HACE1: variants seen among roughly 807,000 people sequenced by gnomAD.
HACE1 encodes the protein E3 ubiquitin-protein ligase HACE1.
HACE1 carries 73 observed loss-of-function variants against 118.4 expected under a neutral mutation model. The observed-to-expected ratio is 0.62, with a 90% CI of 0.51 to 0.75. The LOEUF (loss-of-function observed/expected upper bound fraction) is 0.75. Among genes scored for constraint, HACE1 ranks in the 30% least tolerant of loss-of-function variants. The pLI, the probability that HACE1 is intolerant of heterozygous loss-of-function variation, is 0.00. For synonymous variants in HACE1, 368 were observed against 374.8 expected (o/e 0.98, Z 0.21); for missense variants, 749 against 1,102.2 (o/e 0.68, Z 4.54).
intron 5 of HACE1, among the ~76,000 whole-genome samples, chr6:104,842,939 C>A (rs1227401184): frequency 1.3e-5 from 2 of 152,134 alleles, no homozygotes; most frequent in Non-Finnish European, 2.9e-5. Flanking sequence ...TGGTGAAACC[C>A]CACCTCTACT....
rs1776317288 is a variant in HACE1 at position 104,852,303 on chromosome 6, G to A, written c.131+14C>T. 1 of 1,599,936 alleles carries A rather than the reference G, an allele frequency of 6.3e-7. No homozygotes were observed. Among genetic ancestry groups the A allele is most frequent in the African/African-American group, 1.3e-5 (1 of 74,380 alleles). ...GCTTCTTAAAAAGCAAAAATTTTTG[G>A]AACAAGCACTCACCTGTGTTGATCA... On this transcript the variant is annotated intron_variant, in intron 2 of 23. Coordinates refer to ENST00000262903, the MANE Select transcript of HACE1 (RefSeq NM_020771.4).
chr6:104,830,793 T>C (rs934525668), intron 6 of HACE1, among the ~76,000 whole-genome samples: 2 of 139,042 alleles, frequency 1.4e-5, no homozygotes, highest in African/African-American at 5.7e-5. Context: ...CGAGGTGCAG[T>C]GGTAATTCAC....
chr6:104,783,728 A>G (rs758717518), intron 14 of HACE1, among the ~76,000 whole-genome samples: 38 of 152,364 alleles, frequency 2.5e-4, no homozygotes, highest in Non-Finnish European at 4.0e-4. Context: ...GCCTTTTAAC[A>G]TGCTGCCAAT....
At chr6:104,839,227 T>C (rs565643463) in intron 5 of HACE1, among the ~76,000 whole-genome samples, 213 of 152,338 alleles carry the variant, frequency 1.4e-3, no homozygotes, top group Non-Finnish European at 2.1e-3. Flanking sequence ...ACCCTGCTGT[T>C]TTTAACAGCT....
intron 4 of HACE1, among the ~76,000 whole-genome samples, chr6:104,848,285 G>T (rs893820235): frequency 6.6e-6 from 1 of 150,844 alleles, no homozygotes; most frequent in African/African-American, 2.4e-5. Context: ...GTGAAACCCC[G>T]TCTCTACTAA....
At chr6:104,762,989 CAAAAAAAAAAAAAA>C (rs56232124) in intron 19 of HACE1, among the ~76,000 whole-genome samples, 1 of 32,256 alleles carries the variant, frequency 3.1e-5, no homozygotes, top group Non-Finnish European at 6.4e-5. Flanking sequence ...GACTCCATCT[CAAAAAAAAAAAAAA>C]AAAAAAAAGA....
At chr6:104,800,667 C>T (rs889151626) in intron 7 of HACE1, among the ~76,000 whole-genome samples, 1 of 152,136 alleles carries the variant, frequency 6.6e-6, no homozygotes, top group African/African-American at 2.4e-5. Flanking sequence ...GGAGTAGCAT[C>T]AACATCAACA....
chr6:104,809,313 T>G (rs1771348930), intron 7 of HACE1, among the ~76,000 whole-genome samples: 1 of 152,132 alleles, frequency 6.6e-6, no homozygotes, highest in South Asian at 2.1e-4. Flanking sequence ...GATACTGCGA[T>G]CAAAAATCTG....
At chr6:104,836,909 C>A (rs1275154411) in intron 5 of HACE1, among the ~76,000 whole-genome samples, 3 of 152,148 alleles carry the variant, frequency 2.0e-5, no homozygotes, top group South Asian at 4.2e-4. Flanking sequence ...TATAATTATG[C>A]CAAAGAAAAT....
At position 104,728,150 on chromosome 6, in the gene HACE1, C is replaced by T. The variant is rs1024735245; in HGVS notation, c.*1512G>A. The T allele has an allele frequency of 2.6e-5, 4 of 151,908 alleles. No homozygotes were observed. Among genetic ancestry groups the T allele is most frequent in the African/African-American group, 9.7e-5 (4 of 41,326 alleles). 9.4% of individuals were successfully genotyped at this position (151,908 alleles called of 1,614,324 possible). ...TTTACATAACTACTTGCAAAAAAAA[C>T]TAATATGACAAAGCCAATGTATTAT... On this transcript the variant is annotated 3_prime_UTR_variant, in exon 24 of 24. Transcript: ENST00000262903.
At chr6:104,846,332 A>G (rs2115189142) in intron 4 of HACE1, among the ~76,000 whole-genome samples, 1 of 152,350 alleles carries the variant, frequency 6.6e-6, no homozygotes, top group Non-Finnish European at 1.5e-5. Flanking sequence ...TCTTCTTTCA[A>G]AACTGACCAA....
intron 6 of HACE1, among the ~76,000 whole-genome samples, chr6:104,818,487 C>T (rs1327344432): frequency 6.6e-6 from 1 of 152,042 alleles, no homozygotes; most frequent in African/African-American, 2.4e-5. Context: ...CATTCCCATT[C>T]AAACTATTCC....
At chr6:104,769,087 G>A (rs1780343681) in intron 19 of HACE1, among the ~76,000 whole-genome samples, 1 of 151,796 alleles carries the variant, frequency 6.6e-6, no homozygotes, top group African/African-American at 2.4e-5. Context: ...CAGGCTAGAG[G>A]GCAGTAATGT....
At chr6:104,792,663 G>A (rs1783147848) in intron 10 of HACE1, among the ~76,000 whole-genome samples, 1 of 152,118 alleles carries the variant, frequency 6.6e-6, no homozygotes, top group South Asian at 2.1e-4. Flanking sequence ...ACCACTGGAG[G>A]CTATATGAGT....
At chr6:104,777,645 C>A (rs955393481) in intron 14 of HACE1, among the ~76,000 whole-genome samples, 1 of 152,028 alleles carries the variant, frequency 6.6e-6, no homozygotes, top group Non-Finnish European at 1.5e-5. Context: ...TAAATCCAAG[C>A]CTTATTACAA....
chr6:104,802,707 T>A (rs978696273), intron 7 of HACE1, among the ~76,000 whole-genome samples: 1 of 152,128 alleles, frequency 6.6e-6, no homozygotes, highest in Non-Finnish European at 1.5e-5. Context: ...TGGGACACAT[T>A]TAAAGCAGTG....
At chr6:104,771,545 G>C (rs1268596012) in intron 18 of HACE1, among the ~76,000 whole-genome samples, 156 bp from the exon 19 acceptor site, 3 of 152,004 alleles carry the variant, frequency 2.0e-5, no homozygotes, top group Non-Finnish European at 2.9e-5. Flanking sequence ...GAATTTGAAA[G>C]TCTGTTAAAT....
intron 1 of HACE1, among the ~76,000 whole-genome samples, chr6:104,852,782 T>C (rs1272434435): frequency 6.6e-6 from 1 of 152,198 alleles, no homozygotes; most frequent in African/African-American, 2.4e-5. Context: ...TCATGTTTTA[T>C]CATACTTACA....
At chr6:104,785,350 C>G in intron 11 of HACE1, 31 bp from the exon 12 acceptor site, 1 of 1,062,252 alleles carries the variant, frequency 9.4e-7, no homozygotes, top group South Asian at 1.3e-5. Flanking sequence ...TTTTAAACAT[C>G]ATTCTTAAAC....
Sources: allele counts gnomAD v4.1 joint callset (sites outside exome capture counted in the v4.1 genomes callset), GRCh38; gene constraint gnomAD v4.1.1; transcripts MANE v1.5; gene names NCBI Gene and HGNC (gene_info 2026-07-23, HGNC 2026-07-21).